The following PATJ variants were observed in gnomAD, a reference collection of about 807,000 sequenced individuals.
PATJ encodes inaD-like protein.
PATJ carries 190 observed loss-of-function variants against 224.9 expected under a neutral mutation model. The observed-to-expected ratio is 0.84, with a 90% CI of 0.75 to 0.95. The LOEUF is 0.95. PATJ is among the 40% of genes least tolerant of loss of function. The pLI is 0.00. For missense variants in PATJ, 2,121 were observed against 2,270.3 expected (o/e 0.93, Z 1.34); for synonymous variants, 769 against 820.3 (o/e 0.94, Z 1.07).
At chr1:62,053,004 A>G (rs1653909211) in intron 31 of PATJ, among the ~76,000 whole-genome samples, 1 of 152,182 alleles carries the variant, frequency 6.6e-6, no homozygotes, top group African/African-American at 2.4e-5. Flanking sequence ...TGGTAAAAAG[A>G]GTGAGAATAC....
chr1:61,815,652 C>G (rs780977376), intron 14 of PATJ, among the ~76,000 whole-genome samples: 2 of 151,960 alleles, frequency 1.3e-5, no homozygotes, highest in African/African-American at 4.8e-5. Flanking sequence ...GAGTTTGAGA[C>G]CAACCTGGTC....
chr1:61,782,755 C>T (rs1285497407), intron 7 of PATJ, among the ~76,000 whole-genome samples: 3 of 152,132 alleles, frequency 2.0e-5, no homozygotes, highest in African/African-American at 7.2e-5. Flanking sequence ...AAACACTCAC[C>T]TTGAGAACAT....
At chr1:62,014,597 C>T (rs1486898104) in intron 28 of PATJ, among the ~76,000 whole-genome samples, 2 of 114,084 alleles carry the variant, frequency 1.8e-5, no homozygotes. Context: ...CACAGGGTCT[C>T]ACTGTGTTGC....
intron 17 of PATJ, among the ~76,000 whole-genome samples, chr1:61,843,725 A>G (rs1049778641): frequency 1.3e-5 from 2 of 152,002 alleles, no homozygotes; most frequent in African/African-American, 2.4e-5. Flanking sequence ...GTCTCAAAAA[A>G]AAAAAAAAAA....
chr1:61,804,977 C>T (rs1025919649), intron 12 of PATJ, among the ~76,000 whole-genome samples: 3 of 152,060 alleles, frequency 2.0e-5, no homozygotes, highest in African/African-American at 4.8e-5. Flanking sequence ...TGTTGATATG[C>T]GCTGCTGATA....
chr1:62,058,602 A>G (rs1654917321), intron 31 of PATJ, among the ~76,000 whole-genome samples: 1 of 152,194 alleles, frequency 6.6e-6, no homozygotes. Context: ...CTTCTTTGTT[A>G]TAAGGATCAA....
chr1:61,840,358 A>G (rs1295798594), intron 17 of PATJ, among the ~76,000 whole-genome samples: 2 of 152,040 alleles, frequency 1.3e-5, no homozygotes, highest in East Asian at 1.9e-4. Context: ...AAAGGTGTAT[A>G]AAGATATCCT....
At chr1:61,852,619 C>G (rs949812057) in intron 17 of PATJ, 1 of 152,098 alleles carries the variant, frequency 6.6e-6, no homozygotes, top group African/African-American at 2.4e-5. Flanking sequence ...GTAAATATGC[C>G]TGGGGGCCTG....
chr1:62,045,055 TA>T (rs1011157200), intron 30 of PATJ, among the ~76,000 whole-genome samples: 3 of 151,680 alleles, frequency 2.0e-5, no homozygotes, highest in Admixed American at 2.0e-4. Context: ...CCGTCTCTAC[TA>T]AAAAAAATAC....
intron 32 of PATJ, among the ~76,000 whole-genome samples, chr1:62,082,316 G>A (rs1031082229): frequency 6.6e-6 from 1 of 152,204 alleles, no homozygotes; most frequent in Non-Finnish European, 1.5e-5. Context: ...TCTGGGCCGG[G>A]CACCTCACAC....
intron 21 of PATJ, among the ~76,000 whole-genome samples, chr1:61,876,824 T>G (rs1299227504): frequency 2.0e-5 from 3 of 152,192 alleles, no homozygotes; most frequent in Non-Finnish European, 4.4e-5. Flanking sequence ...TGAGAACCCC[T>G]GTGTAAAGAG....
chr1:61,952,228 G>A (rs1679793315), intron 27 of PATJ: 3 of 485,344 alleles, frequency 6.2e-6, no homozygotes, highest in East Asian at 3.1e-5. Context: ...TAGATTGACA[G>A]GTTGCCCTTA....
rs889760358 is a variant in PATJ, at chr1:61,958,180, T to C, written c.3670+30351T>C. On this transcript the variant is annotated intron_variant, in intron 27 of 43. Transcript: ENST00000642238. ...CTCTGTGATTTACATGTTTATTGTG[T>C]TTACATGTTTGTAATTTGTAATTTG... 2.0e-5 allele frequency among the ~76,000 whole-genome samples: 3 copies of C among 152,220 alleles called. No individual in the cohort carries two copies. In the East Asian group the frequency reaches 5.8e-4, roughly 29 times the overall value.
chr1:61,888,900 T>G (rs779493433), intron 22 of PATJ, among the ~76,000 whole-genome samples: 1 of 152,252 alleles, frequency 6.6e-6, no homozygotes, highest in Non-Finnish European at 1.5e-5. Flanking sequence ...TAACCTTGTC[T>G]TAGGAGATTA....
chr1:62,098,378 A>T (rs1248318886), intron 33 of PATJ, among the ~76,000 whole-genome samples: 1 of 150,826 alleles, frequency 6.6e-6, no homozygotes, highest in Non-Finnish European at 1.5e-5. Context: ...AAGAAAAAAG[A>T]AAAAAAAGAA....
intron 29 of PATJ, among the ~76,000 whole-genome samples, chr1:62,023,141 T>C (rs1647181910): frequency 6.6e-6 from 1 of 151,956 alleles, no homozygotes; most frequent in African/African-American, 2.4e-5. Context: ...AATACAAAAA[T>C]CAGCTGGGCG....
chr1:61,903,557 TAG>T lies in PATJ; in HGVS notation c.3381+2101_3381+2102del, dbSNP rs766967898. Among the ~76,000 whole-genome samples, 5 of 152,134 alleles carry T rather than the reference TAG, an allele frequency of 3.3e-5. 1 individual carries two copies. The highest frequency in any genetic ancestry group is 7.4e-5 in the Non-Finnish European group (5 of 68,020). On this transcript the variant is annotated intron_variant, in intron 24 of 43. Coordinates refer to ENST00000642238, the MANE Select transcript of PATJ (RefSeq NM_001350145.3). ...TTTGGTCTTTTTCCTCAGTTTCAGT[TAG>T]AGTTTGTCCCCCACTGTGATTATGG... is the stretch of plus-strand genomic sequence containing the variant.
chr1:62,154,919 T>C (rs1311528835), intron 43 of PATJ, among the ~76,000 whole-genome samples: 4 of 152,158 alleles, frequency 2.6e-5, no homozygotes, highest in Non-Finnish European at 1.5e-5. Context: ...ATAAGGCATG[T>C]TATTCCCAAA....
intron 27 of PATJ, among the ~76,000 whole-genome samples, chr1:61,963,645 A>G (rs1460001340): frequency 6.6e-6 from 1 of 152,156 alleles, no homozygotes; most frequent in Admixed American, 6.6e-5. Context: ...TTTACTATTC[A>G]TTAAGTGGAA....
Sources: allele counts gnomAD v4.1 joint callset (sites outside exome capture counted in the v4.1 genomes callset), GRCh38; gene constraint gnomAD v4.1.1; transcripts MANE v1.5; gene names NCBI Gene and HGNC (gene_info 2026-07-23, HGNC 2026-07-21).